The following OSTN variants were observed in gnomAD, a reference collection of about 807,000 sequenced individuals.
OSTN encodes osteocrin.
Under a neutral mutation model 12.0 loss-of-function variants are expected in OSTN, and 9 were observed. The observed-to-expected ratio is 0.75, with a 90% CI of 0.45 to 1.30. OSTN has a LOEUF of 1.30. Among genes scored for constraint, OSTN ranks in the 50% most tolerant of loss-of-function variants. The pLI is 0.00. For synonymous variants in OSTN, 59 were observed against 56.9 expected, an observed-to-expected ratio of 1.04 and a Z score of -0.16; for missense variants, 148 against 152.3, an observed-to-expected ratio of 0.97 and a Z score of 0.15.
chr3:191,217,953 T>G (rs1714665202), intron 2 of OSTN, among the ~76,000 whole-genome samples: 1 of 152,002 alleles, frequency 6.6e-6, no homozygotes, highest in Non-Finnish European at 1.5e-5. Context: ...TTAATAAATA[T>G]TCATCAGAAA....
At chr3:191,203,698 T>C (rs923574017) in intron 1 of OSTN, among the ~76,000 whole-genome samples, 2 of 144,242 alleles carry the variant, frequency 1.4e-5, no homozygotes, top group African/African-American at 2.6e-5. Flanking sequence ...AAAAATTTGT[T>C]TGGGAGATAG....
At chr3:191,222,772 T>C (rs979171814) in intron 3 of OSTN, among the ~76,000 whole-genome samples, 14 of 152,142 alleles carry the variant, frequency 9.2e-5, no homozygotes, top group Admixed American at 9.2e-4. Flanking sequence ...TCCCCTCGTG[T>C]TATGGGAAGG....
At chr3:191,258,645 A>C (rs1328693733) in intron 4 of OSTN, among the ~76,000 whole-genome samples, 3 of 147,820 alleles carry the variant, frequency 2.0e-5, no homozygotes, top group Non-Finnish European at 4.5e-5. Context: ...GTATTCCAGG[A>C]CTTAAAGTAT....
At chr3:191,200,753 A>G (rs147002385) in intron 1 of OSTN, among the ~76,000 whole-genome samples, 48 of 152,334 alleles carry the variant, frequency 3.2e-4, no homozygotes, top group African/African-American at 1.1e-3. Flanking sequence ...AAACCTCAGT[A>G]TCACAGAAGT....
intron 1 of OSTN, among the ~76,000 whole-genome samples, chr3:191,207,540 C>T (rs545394462): frequency 1.3e-5 from 2 of 152,296 alleles, no homozygotes; most frequent in East Asian, 3.9e-4. Context: ...GAAGTTTGCT[C>T]TTTCTTTTGT....
chr3:191,224,765 A>G (rs1371019677), intron 3 of OSTN, among the ~76,000 whole-genome samples: 1 of 152,142 alleles, frequency 6.6e-6, no homozygotes, highest in Non-Finnish European at 1.5e-5. Flanking sequence ...AAGAATACCA[A>G]ATTTTATTTT....
chr3:191,218,688 T>C (rs1386109781), intron 2 of OSTN, 59 bp from the exon 3 acceptor site: 2 of 1,390,946 alleles, frequency 1.4e-6, no homozygotes, highest in African/African-American at 1.4e-5. Context: ...CAGATGCATA[T>C]GTACATACTT....
rs1186064680 is a variant in OSTN, at chr3:191,218,856, TAGAAAATG to T, written c.214_221del (p.Glu72CysfsTer3). The T allele has an allele frequency of 6.2e-7, 1 of 1,614,082 alleles. No individual in the cohort carries two copies. Among genetic ancestry groups the T allele is most frequent in the Non-Finnish European group, 8.5e-7 (1 of 1,179,978 alleles). The stretch of plus-strand genomic sequence containing the variant: ...TTGCTTCTTGATGAATTGGTGTCCC[TAGAAAATG>T]ATGTGATTGAGACAAAGAAGAAAAG... On this transcript the variant is annotated frameshift_variant, in exon 3 of 5. Transcript: ENST00000682035. LOFTEE classifies it high-confidence loss of function.
chr3:191,223,267 A>G (rs1714816480), intron 3 of OSTN, among the ~76,000 whole-genome samples: 2 of 152,208 alleles, frequency 1.3e-5, no homozygotes, highest in South Asian at 4.1e-4. Context: ...GCTACAAATA[A>G]GCCATTATAA....
At chr3:191,262,483 CAG>C (rs1166078489) in intron 4 of OSTN, among the ~76,000 whole-genome samples, 2 of 152,228 alleles carry the variant, frequency 1.3e-5, no homozygotes, top group South Asian at 2.1e-4. Flanking sequence ...TTATAATAAA[CAG>C]AAAGTAGTAT....
At chr3:191,235,213 A>G (rs1460678941) in intron 3 of OSTN, among the ~76,000 whole-genome samples, 1 of 152,156 alleles carries the variant, frequency 6.6e-6, no homozygotes, top group African/African-American at 2.4e-5. Flanking sequence ...CATCAAAATA[A>G]TAAGAATCCC....
intron 3 of OSTN, among the ~76,000 whole-genome samples, chr3:191,233,219 G>A (rs9832123): frequency 0.77 from 117,316 of 152,048 alleles, 45,622 homozygotes; most frequent in African/African-American, 0.87. Flanking sequence ...CCTATATCAG[G>A]TCATATTAAC....
chr3:191,255,574 CATT>C (rs934070381), intron 4 of OSTN, among the ~76,000 whole-genome samples: 6 of 152,116 alleles, frequency 3.9e-5, no homozygotes, highest in Non-Finnish European at 2.9e-5. Context: ...TTACACAAAA[CATT>C]ATATTCCTAG....
Position 191,218,843 on chromosome 3 carries a change from G to T in OSTN, c.199G>T (p.Glu67Ter). The T allele has an allele frequency of 6.2e-7, 1 of 1,614,118 alleles. No individual in the cohort carries two copies. The highest frequency in any genetic ancestry group is 8.5e-7 in the Non-Finnish European group (1 of 1,179,988). Reference protein sequence around the residue: ...DLTAKLLLLDELVSLENDVIE... With the variant: ...DLTAKLLLLD ...GACAGCAAAACTCTTGCTTCTTGAT[G>T]AATTGGTGTCCCTAGAAAATGATGT... The change falls in exon 3 of 5, where the codon GAA (glutamate) becomes TAA (stop). Residue 67 changes from glutamate to a stop codon, truncating the protein, a stop_gained. Coordinates refer to ENST00000682035, the MANE Select transcript of OSTN (RefSeq NM_198184.2). LOFTEE classifies it high-confidence loss of function.
chr3:191,223,106 C>A (rs896960654), intron 3 of OSTN, among the ~76,000 whole-genome samples: 6 of 152,006 alleles, frequency 3.9e-5, no homozygotes, highest in Admixed American at 6.5e-5. Flanking sequence ...ACTAATAAAC[C>A]ATAATAATTT....
chr3:191,246,067 CAAA>C (rs149962240), intron 3 of OSTN, among the ~76,000 whole-genome samples: 1,053 of 60,366 alleles, frequency 0.017, 2 homozygotes, highest in African/African-American at 0.047. Flanking sequence ...AACTCTGTCT[CAAA>C]AAAAAAAAAA....
intron 3 of OSTN, among the ~76,000 whole-genome samples, chr3:191,236,673 A>C (rs1715199672): frequency 6.6e-6 from 1 of 152,106 alleles, no homozygotes; most frequent in Non-Finnish European, 1.5e-5. Context: ...AGTGAAACTT[A>C]CTCTTAAACT....
At chr3:191,243,342 G>A (rs1715361719) in intron 3 of OSTN, among the ~76,000 whole-genome samples, 1 of 152,120 alleles carries the variant, frequency 6.6e-6, no homozygotes, top group African/African-American at 2.4e-5. Flanking sequence ...GGCAGGTACA[G>A]CTGAACAGTA....
At chr3:191,228,568 T>C (rs1397915647) in intron 3 of OSTN, 1 of 152,246 alleles carries the variant, frequency 6.6e-6, no homozygotes, top group Admixed American at 6.5e-5. Flanking sequence ...ACTGTATTTT[T>C]ACTACTTCAA....
Sources: gnomAD v4.1 joint callset for allele counts (sites outside exome capture counted in the v4.1 genomes callset) on GRCh38, gnomAD v4.1.1 for gene constraint, MANE v1.5 for transcripts, NCBI Gene and HGNC (gene_info 2026-07-23, HGNC 2026-07-21) for gene names.